The following MAST4 variants were observed in gnomAD, a reference collection of about 807,000 sequenced individuals.
MAST4 encodes the protein microtubule-associated serine/threonine-protein kinase 4.
A neutral mutation model predicts 162.7 loss-of-function variants in MAST4; 89 were observed. The ratio of observed to expected loss-of-function variants is 0.55; its 90% CI spans 0.46 to 0.65. The LOEUF is 0.65. Ranked by LOEUF, MAST4 falls within the 30% of genes least tolerant of loss-of-function variation. The pLI is 0.00. For synonymous variants in MAST4, 1,479 were observed against 1,361.1 expected, an observed-to-expected ratio of 1.09 and a Z score of -1.91; for missense variants, 3,153 against 3,374.0, an observed-to-expected ratio of 0.93 and a Z score of 1.62.
chr5:66,875,414 T>C (rs964975073), intron 3 of MAST4, among the ~76,000 whole-genome samples: 3 of 152,226 alleles, frequency 2.0e-5, no homozygotes, highest in Admixed American at 6.5e-5. Context: ...AAAATGAGCA[T>C]GAATCTCATT....
chr5:66,814,236 A>G lies in MAST4; in HGVS notation c.642+25442A>G, dbSNP rs572540208. The stretch of plus-strand genomic sequence containing the variant: ...CCTGTTTATGATCAACATGTACTTC[A>G]AACATTTGGAAAAATAAAGAATTGC... On this transcript the variant is annotated intron_variant, in intron 3 of 28. Transcript: ENST00000403625. Among the ~76,000 whole-genome samples the G allele has an allele frequency of 4.6e-5, 7 of 152,338 alleles. No individual in the cohort carries two copies. In the South Asian group the frequency reaches 1.5e-3, roughly 32 times the overall value.
At chr5:67,002,969 C>A (rs1298456813) in intron 4 of MAST4, among the ~76,000 whole-genome samples, 1 of 149,654 alleles carries the variant, frequency 6.7e-6, no homozygotes, top group East Asian at 1.9e-4. Context: ...AGGTCGAGGT[C>A]AGCAATGTTG....
Position 66,910,973 on chromosome 5 carries a change from C to G in MAST4, c.674+10991C>G, listed in dbSNP as rs1461254742. On this transcript the variant is annotated intron_variant, in intron 4 of 28. Transcript: ENST00000403625. ...ATGTTGGCCAGGATGGTCTCAATCT[C>G]TTGACTTTGTGATCCGCCCACATTG... Among the ~76,000 whole-genome samples, 4 of 152,144 alleles carry G rather than the reference C, an allele frequency of 2.6e-5. No individual in the cohort carries two copies. The East Asian group carries it at 7.7e-4, about 29-fold the overall frequency.
At chr5:67,022,628 T>TG (rs986236596) in intron 4 of MAST4, among the ~76,000 whole-genome samples, 1 of 152,198 alleles carries the variant, frequency 6.6e-6, no homozygotes, top group Non-Finnish European at 1.5e-5. Context: ...GAACCTTTAC[T>TG]GAATTGTCAT....
Position 67,167,053 on chromosome 5 carries a change from G to A in MAST4, c.*2G>A, listed in dbSNP as rs201720136. 4.4e-5 allele frequency: 70 copies of A among 1,574,980 alleles called. No individual in the cohort carries two copies. The East Asian group carries it at 4.7e-4, about 11-fold the overall frequency. ...AGCCCTCACAAAAAGGCCTTGTAAC[G>A]GGGAGGGCCCAGGGGCAGGACTGTG... is the stretch of plus-strand genomic sequence containing the variant. On this transcript the variant is annotated 3_prime_UTR_variant, in exon 29 of 29. Transcript: ENST00000403625.
chr5:67,096,636 C>T (rs1764495103), intron 7 of MAST4, among the ~76,000 whole-genome samples: 1 of 152,128 alleles, frequency 6.6e-6, no homozygotes, highest in Non-Finnish European at 1.5e-5. Flanking sequence ...ACTGGTATCA[C>T]CTCTGCCTTA....
Position 67,168,489 on chromosome 5 carries a change from C to T in MAST4, c.*1438C>T, listed in dbSNP as rs1035227043. 3 of 152,194 alleles carry T rather than the reference C, an allele frequency of 2.0e-5. No individual in the cohort carries two copies. The highest frequency in any genetic ancestry group is 7.2e-5 in the African/African-American group (3 of 41,520). The allele number at this position is 152,194 out of a possible 1,614,324, so 9.4% of individuals were successfully genotyped here. On this transcript the variant is annotated 3_prime_UTR_variant, in exon 29 of 29. Transcript: ENST00000403625. Reference sequence around the variant, plus strand: ...TAGAATTTGTCAAATCATTTTAGTGCTGAAGGTTTTTGATTTCTTGTTTTT... The same window carrying T: ...TAGAATTTGTCAAATCATTTTAGTGTTGAAGGTTTTTGATTTCTTGTTTTT...
chr5:66,940,229 G>A (rs1020051250), intron 4 of MAST4, among the ~76,000 whole-genome samples: 2 of 152,154 alleles, frequency 1.3e-5, no homozygotes, highest in African/African-American at 4.8e-5. Context: ...CCTTGATGTT[G>A]ATGGCTGTTG....
chr5:66,627,071 A>G (rs1344425902), intron 1 of MAST4, among the ~76,000 whole-genome samples: 1 of 152,204 alleles, frequency 6.6e-6, no homozygotes, highest in East Asian at 1.9e-4. Flanking sequence ...GTAATTTATA[A>G]AGGAAAGCGG....
At chr5:66,661,833 A>G (rs1353553159) in intron 1 of MAST4, among the ~76,000 whole-genome samples, 1 of 152,262 alleles carries the variant, frequency 6.6e-6, no homozygotes. Flanking sequence ...ACTCTGAAGT[A>G]TTTAGCAATG....
In MAST4 at chr5:66,596,492, T is replaced by C; in HGVS notation, c.-164T>C. 1 of 846,920 alleles carries C rather than the reference T, an allele frequency of 1.2e-6. No individual in the cohort carries two copies. Among genetic ancestry groups the C allele is most frequent in the African/African-American group, 1.8e-5 (1 of 56,702 alleles). 52.5% of individuals were successfully genotyped at this position (846,920 alleles called of 1,614,324 possible). A position where few individuals can be genotyped will look rare whatever the true frequency, so the allele number is the denominator to read the frequency against. On this transcript the variant is annotated 5_prime_UTR_variant, in exon 1 of 29. Coordinates refer to ENST00000403625, the MANE Select transcript of MAST4 (RefSeq NM_001164664.2). ...GGCGGCTGTGAACTTAGCAGCGGGC[T>C]CCTGCGGCCCCGTCACTGCCATGTA...
intron 3 of MAST4, among the ~76,000 whole-genome samples, chr5:66,844,138 C>CGT (rs1758629024): frequency 1.8e-5 from 2 of 111,408 alleles, no homozygotes; most frequent in Admixed American, 2.0e-4. Context: ...TCCCAGTCAG[C>CGT]CTGTGTGTGT....
chr5:66,773,313 A>G (rs1346700893), intron 2 of MAST4, among the ~76,000 whole-genome samples: 1 of 152,206 alleles, frequency 6.6e-6, no homozygotes, highest in Admixed American at 6.5e-5. Context: ...TAATCACCAC[A>G]CATTGTCAGG....
chr5:67,000,544 G>A (rs762975728), intron 4 of MAST4, among the ~76,000 whole-genome samples: 9 of 152,090 alleles, frequency 5.9e-5, no homozygotes, highest in Non-Finnish European at 8.8e-5. Flanking sequence ...TCAGGAGTTC[G>A]AGACCAGCCT....
At chr5:66,664,406 G>A (rs1747108791) in intron 1 of MAST4, among the ~76,000 whole-genome samples, 1 of 143,604 alleles carries the variant, frequency 7.0e-6, no homozygotes, top group Non-Finnish European at 1.5e-5. Flanking sequence ...TTGCACTCCA[G>A]CCTGGGCAAC....
chr5:66,991,937 G>A (rs762216651), intron 4 of MAST4, among the ~76,000 whole-genome samples: 25 of 152,200 alleles, frequency 1.6e-4, no homozygotes, highest in Admixed American at 1.2e-3. Flanking sequence ...GGTAGCTGCA[G>A]TTCCTTCAGG....
intron 4 of MAST4, among the ~76,000 whole-genome samples, chr5:66,993,927 C>G (rs1750327312): frequency 1.2e-5 from 1 of 85,134 alleles, no homozygotes; most frequent in Non-Finnish European, 2.4e-5. Context: ...AAGACCCCCC[C>G]CCCCACCCCA....
At chr5:66,825,115 A>G (rs1237994607) in intron 3 of MAST4, among the ~76,000 whole-genome samples, 1 of 152,164 alleles carries the variant, frequency 6.6e-6, no homozygotes, top group Non-Finnish European at 1.5e-5. Flanking sequence ...TAGACTTTTT[A>G]ATTTTAAAAA....
intron 1 of MAST4, among the ~76,000 whole-genome samples, chr5:66,721,108 T>G (rs932052628): frequency 1.3e-5 from 2 of 152,204 alleles, no homozygotes; most frequent in African/African-American, 4.8e-5. Context: ...CATCAGACTT[T>G]CCTTCTCTCC....
Sources: allele counts gnomAD v4.1 joint callset (sites outside exome capture counted in the v4.1 genomes callset), GRCh38; gene constraint gnomAD v4.1.1; transcripts MANE v1.5; gene names NCBI Gene and HGNC (gene_info 2026-07-23, HGNC 2026-07-21).